The following KCNQ3 variants were observed in gnomAD, a reference collection of about 807,000 sequenced individuals.
KCNQ3 encodes the protein potassium voltage-gated channel subfamily KQT member 3.
In KCNQ3, 30 loss-of-function variants were observed where a neutral mutation model predicts 92.5. The observed-to-expected ratio is 0.32, with a 90% CI of 0.24 to 0.44. The LOEUF is 0.44. Among genes scored for constraint, KCNQ3 ranks in the 20% least tolerant of loss-of-function variants. The pLI is 1.00. For missense variants in KCNQ3, 913 were observed against 1,140.3 expected, an observed-to-expected ratio of 0.80 and a Z score of 2.87; for synonymous variants, 450 against 468.8, an observed-to-expected ratio of 0.96 and a Z score of 0.52.
chr8:132,478,630 AC>A (rs1333254562), intron 1 of KCNQ3, among the ~76,000 whole-genome samples: 4 of 63,374 alleles, frequency 6.3e-5, no homozygotes, highest in Non-Finnish European at 1.2e-4. Flanking sequence ...CTGCAAATAG[AC>A]ACACACACAC....
chr8:132,288,878 C>A (rs1188542948), intron 1 of KCNQ3, among the ~76,000 whole-genome samples: 2 of 152,186 alleles, frequency 1.3e-5, no homozygotes, highest in African/African-American at 4.8e-5. Context: ...GGTCTGAATA[C>A]TCAAGAGCCA....
intron 1 of KCNQ3, among the ~76,000 whole-genome samples, chr8:132,304,139 G>T (rs964501264): frequency 6.6e-6 from 1 of 152,096 alleles, no homozygotes; most frequent in African/African-American, 2.4e-5. Flanking sequence ...AGACAGTGGA[G>T]ACTCTGAAAG....
chr8:132,123,195 A>G lies in KCNQ3; in HGVS notation c.*6067T>C, dbSNP rs1338124336. The G allele has an allele frequency of 6.6e-6, 1 of 152,288 alleles. No homozygotes were observed. The highest frequency in any genetic ancestry group is 1.5e-5 in the Non-Finnish European group (1 of 68,096). 9.4% of individuals were successfully genotyped at this position (152,288 alleles called of 1,614,324 possible). ...TATAGATGAGGATGCAACCTAAGGC[A>G]TGACTGTTGCTGAATGAGCCCAAGT... On this transcript the variant is annotated 3_prime_UTR_variant, in exon 15 of 15. Transcript: ENST00000388996.
At chr8:132,437,197 T>C (rs906430845) in intron 1 of KCNQ3, among the ~76,000 whole-genome samples, 1 of 151,356 alleles carries the variant, frequency 6.6e-6, no homozygotes, top group African/African-American at 2.4e-5. Flanking sequence ...GAGAATGGCG[T>C]GAACCCCAGG....
rs575314951 is a variant in KCNQ3, at chr8:132,260,612, G to T, written c.387-74431C>A. On this transcript the variant is annotated intron_variant, in intron 1 of 14. Transcript: ENST00000388996. ...GAGTGGGTGGCTGGGGTAGGCATTA[G>T]CTGAAAAATTGAAATTCATGGTGGT... Among the ~76,000 whole-genome samples the T allele has an allele frequency of 4.6e-5, 7 of 152,270 alleles. No individual in the cohort carries two copies. In the South Asian group the frequency reaches 1.5e-3, roughly 32 times the overall value.
At chr8:132,430,010 A>T (rs1319153215) in intron 1 of KCNQ3, among the ~76,000 whole-genome samples, 1 of 152,094 alleles carries the variant, frequency 6.6e-6, no homozygotes, top group Non-Finnish European at 1.5e-5. Flanking sequence ...TCATTCTCAG[A>T]CACCTACTCC....
chr8:132,382,007 A>G (rs184168424), intron 1 of KCNQ3, among the ~76,000 whole-genome samples: 6 of 152,358 alleles, frequency 3.9e-5, no homozygotes, highest in Non-Finnish European at 4.4e-5. Context: ...TGTCCACTGA[A>G]CTAACCAGGC....
intron 1 of KCNQ3, among the ~76,000 whole-genome samples, chr8:132,419,450 G>T (rs1005176021): frequency 6.6e-6 from 1 of 152,156 alleles, no homozygotes; most frequent in Non-Finnish European, 1.5e-5. Context: ...TACACTGATG[G>T]AAAATTCACA....
chr8:132,228,533 CTACACGGAAATACT>C (rs1382592384), intron 1 of KCNQ3, among the ~76,000 whole-genome samples: 3 of 152,142 alleles, frequency 2.0e-5, no homozygotes, highest in African/African-American at 4.8e-5. Context: ...AGATTAATTA[CTACACGGAAATACT>C]TAGAAAAATG....
chr8:132,162,768 G>C (rs182278104), intron 9 of KCNQ3, among the ~76,000 whole-genome samples: 6 of 152,234 alleles, frequency 3.9e-5, no homozygotes, highest in African/African-American at 1.4e-4. Context: ...CCTCCCAAAG[G>C]CCACTGTTCT....
At chr8:132,349,580 T>C (rs1818797708) in intron 1 of KCNQ3, among the ~76,000 whole-genome samples, 1 of 152,214 alleles carries the variant, frequency 6.6e-6, no homozygotes, top group Non-Finnish European at 1.5e-5. Context: ...GGGCTTGGGA[T>C]ATGCATACGC....
chr8:132,172,463 G>A, intron 7 of KCNQ3, 135 bp downstream of exon 7: 1 of 775,940 alleles, frequency 1.3e-6, no homozygotes, highest in Non-Finnish European at 2.3e-6. Flanking sequence ...AGACACACAT[G>A]GAATCCTGGG....
intron 1 of KCNQ3, among the ~76,000 whole-genome samples, chr8:132,308,334 C>A (rs1426162956): frequency 6.6e-6 from 1 of 152,036 alleles, no homozygotes; most frequent in East Asian, 1.9e-4. Context: ...GATAAGGAAG[C>A]CAGGCAGAAT....
intron 1 of KCNQ3, among the ~76,000 whole-genome samples, chr8:132,225,289 TTC>T (rs1231365518): frequency 5.3e-5 from 8 of 152,302 alleles, no homozygotes; most frequent in African/African-American, 1.9e-4. Context: ...GGGCACTGAG[TTC>T]TTAGCCAGAG....
chr8:132,468,756 G>A (rs1262590775), intron 1 of KCNQ3, among the ~76,000 whole-genome samples: 1 of 152,218 alleles, frequency 6.6e-6, no homozygotes, highest in East Asian at 1.9e-4. Context: ...ATGGAGAGGA[G>A]AGGAGGTTCC....
chr8:132,127,638 T>C lies in KCNQ3; in HGVS notation c.*1624A>G, dbSNP rs1824714254. On this transcript the variant is annotated 3_prime_UTR_variant, in exon 15 of 15. Coordinates refer to ENST00000388996, the MANE Select transcript of KCNQ3 (RefSeq NM_004519.4). ...GTTTAGGTCATCTGGATTATCTTGATTGTCACCATGGCAACTATCCACAAC... is the reference window on the plus strand; with the variant it reads ...GTTTAGGTCATCTGGATTATCTTGACTGTCACCATGGCAACTATCCACAAC... 2 of 152,196 alleles carry C rather than the reference T, an allele frequency of 1.3e-5. No individual in the cohort carries two copies. The highest frequency in any genetic ancestry group is 4.8e-5 in the African/African-American group (2 of 41,448). The allele number at this position is 152,196 out of a possible 1,614,324, so 9.4% of individuals were successfully genotyped here. A position where few individuals can be genotyped will look rare whatever the true frequency, so the allele number is the denominator to read the frequency against.
At chr8:132,212,936 C>G (rs1021400688) in intron 1 of KCNQ3, among the ~76,000 whole-genome samples, 5 of 152,234 alleles carry the variant, frequency 3.3e-5, no homozygotes, top group Admixed American at 3.3e-4. Context: ...ACCCACGGAG[C>G]AGGTGCACTT....
chr8:132,212,383 A>G (rs1813888867), intron 1 of KCNQ3, among the ~76,000 whole-genome samples: 1 of 152,042 alleles, frequency 6.6e-6, no homozygotes, highest in African/African-American at 2.4e-5. Context: ...CTCTGGAAAC[A>G]TATGGAATAC....
intron 1 of KCNQ3, among the ~76,000 whole-genome samples, chr8:132,227,512 T>C (rs1463208584): frequency 6.6e-6 from 1 of 152,194 alleles, no homozygotes; most frequent in African/African-American, 2.4e-5. Flanking sequence ...GCTGACACAC[T>C]GATCGTGGAC....
Sources: allele counts gnomAD v4.1 joint callset (sites outside exome capture counted in the v4.1 genomes callset), GRCh38; gene constraint gnomAD v4.1.1; transcripts MANE v1.5; gene names NCBI Gene and HGNC (gene_info 2026-07-23, HGNC 2026-07-21).